DPP10: variants seen among roughly 807,000 people sequenced by gnomAD.
The protein encoded by DPP10 is dipeptidyl peptidase like 10.
Under a neutral mutation model 120.9 loss-of-function variants are expected in DPP10, and 33 were observed. That is an observed-to-expected ratio of 0.27 (90% confidence interval 0.21 to 0.37). The LOEUF is 0.37. Among genes scored for constraint, DPP10 ranks in the 10% least tolerant of loss-of-function variants. The pLI is 1.00. For synonymous variants in DPP10, 337 were observed against 326.1 expected (o/e 1.03, Z -0.36); for missense variants, 816 against 942.8 (o/e 0.87, Z 1.76).
At chr2:115,151,715 AT>A (rs1200514817) in intron 1 of DPP10, among the ~76,000 whole-genome samples, 2,373 of 139,790 alleles carry the variant, frequency 0.017, 25 homozygotes, top group African/African-American at 0.033. Flanking sequence ...TCAGTATTGA[AT>A]TTTTTTTTTT....
intron 7 of DPP10, among the ~76,000 whole-genome samples, chr2:115,693,325 T>G (rs1004257911): frequency 2.0e-5 from 3 of 152,130 alleles, no homozygotes; most frequent in Admixed American, 1.3e-4. Context: ...CAATGGTGAG[T>G]GGACACCAAG....
intron 3 of DPP10, among the ~76,000 whole-genome samples, chr2:115,378,354 T>C (rs1338584348): frequency 1.7e-5 from 1 of 60,000 alleles, no homozygotes; most frequent in African/African-American, 3.1e-5. Flanking sequence ...GCTCTCTGTT[T>C]GTCTGTTGTT....
At chr2:115,630,555 C>T (rs970122258) in intron 5 of DPP10, among the ~76,000 whole-genome samples, 2 of 152,078 alleles carry the variant, frequency 1.3e-5, no homozygotes, top group South Asian at 4.1e-4. Context: ...TAATAAATGG[C>T]TCTTATTTTT....
chr2:115,123,863 T>C (rs2049944887), intron 1 of DPP10, among the ~76,000 whole-genome samples: 1 of 152,024 alleles, frequency 6.6e-6, no homozygotes, highest in Non-Finnish European at 1.5e-5. Flanking sequence ...AACAGGAAGA[T>C]AGTCAGCAAA....
intron 17 of DPP10, among the ~76,000 whole-genome samples, chr2:115,785,443 T>A (rs1292841853): frequency 6.6e-6 from 1 of 152,200 alleles, no homozygotes; most frequent in Non-Finnish European, 1.5e-5. Context: ...TCATAGAATT[T>A]GAATATGGAT....
intron 19 of DPP10, among the ~76,000 whole-genome samples, chr2:115,813,075 G>A (rs12472589): frequency 0.28 from 39,612 of 141,218 alleles, 6,003 homozygotes; most frequent in Middle Eastern, 0.49. Flanking sequence ...TCCGCTTCCC[G>A]GGTTCACGCC....
At chr2:114,988,733 G>C (rs1293107505) in intron 1 of DPP10, among the ~76,000 whole-genome samples, 1 of 152,126 alleles carries the variant, frequency 6.6e-6, no homozygotes, top group Non-Finnish European at 1.5e-5. Context: ...TGTGAAACGA[G>C]CACATATGAC....
intron 1 of DPP10, among the ~76,000 whole-genome samples, chr2:114,724,780 C>T (rs1454236620): frequency 6.6e-6 from 1 of 152,132 alleles, no homozygotes; most frequent in Non-Finnish European, 1.5e-5. Context: ...GGCCACTCCC[C>T]TGTCCAATCA....
Position 115,468,232 on chromosome 2 carries a change from G to T in DPP10, c.272-31278G>T. On this transcript the variant is annotated intron_variant, in intron 3 of 25. Coordinates refer to ENST00000410059, the MANE Select transcript of DPP10 (RefSeq NM_020868.6). Reference sequence around the variant, plus strand: ...TGAAGAGGACTCAGGAGAAGCTTCTGCTGACCGCTCGTGTCATTGTTGCCA... The same window carrying T: ...TGAAGAGGACTCAGGAGAAGCTTCTTCTGACCGCTCGTGTCATTGTTGCCA... 2.0e-5 allele frequency: 10 copies of T among 503,446 alleles called. 1 individual carries two copies. The highest frequency in any genetic ancestry group is 4.0e-5 in the Non-Finnish European group (10 of 252,102). The allele number at this position is 503,446 out of a possible 1,614,324, so 31.2% of individuals were successfully genotyped here. A position where few individuals can be genotyped will look rare whatever the true frequency, so the allele number is the denominator to read the frequency against.
At chr2:115,301,075 C>T (rs563496175) in intron 1 of DPP10, among the ~76,000 whole-genome samples, 1 of 152,076 alleles carries the variant, frequency 6.6e-6, no homozygotes, top group Non-Finnish European at 1.5e-5. Flanking sequence ...GTGTTCTCTC[C>T]CAATTTCCCC....
chr2:114,650,231 G>A (rs1218284136), intron 1 of DPP10, among the ~76,000 whole-genome samples: 1 of 152,104 alleles, frequency 6.6e-6, no homozygotes, highest in Non-Finnish European at 1.5e-5. Context: ...AAGAAAGGTG[G>A]TTTTGGGAGA....
chr2:115,807,666 A>G (rs148450197), intron 19 of DPP10, among the ~76,000 whole-genome samples: 1,583 of 151,292 alleles, frequency 0.01, 18 homozygotes, highest in African/African-American at 0.037. Context: ...TCATCATGAC[A>G]TAAGGAAAAC....
At chr2:115,466,506 C>A (rs1447052543) in intron 3 of DPP10, among the ~76,000 whole-genome samples, 1 of 151,976 alleles carries the variant, frequency 6.6e-6, no homozygotes, top group African/African-American at 2.4e-5. Context: ...GTGATTATTG[C>A]CAAAACTTCT....
At chr2:115,307,598 T>C (rs543736707) in intron 1 of DPP10, among the ~76,000 whole-genome samples, 8 of 152,260 alleles carry the variant, frequency 5.3e-5, no homozygotes, top group African/African-American at 1.9e-4. Flanking sequence ...TTCCCAACTT[T>C]CAGACCACTG....
rs150951492 is a variant in DPP10 at position 114,835,517 on chromosome 2, T to C, written c.60+392679T>C. 5.7e-3 allele frequency: 870 copies of C among 152,304 alleles called. 6 individuals are homozygous for C. Among genetic ancestry groups the C allele is most frequent in the African/African-American group, 0.02 (811 of 41,558 alleles). 9.4% of individuals were successfully genotyped at this position (152,304 alleles called of 1,614,324 possible). A position where few individuals can be genotyped will look rare whatever the true frequency, so the allele number is the denominator to read the frequency against. ...TCAAATAATATTAGTCAAAAATAAA[T>C]ACGTGTTTGTTTTATTATTCCTTTG... On this transcript the variant is annotated intron_variant, in intron 1 of 25. Transcript: ENST00000410059.
rs1558982696 is a variant in DPP10 at position 114,664,918 on chromosome 2, G to GAGAGCATCCAAAAGATGGCAC, written c.60+222101_60+222121dup. On this transcript the variant is annotated intron_variant, in intron 1 of 25. Coordinates refer to ENST00000410059, the MANE Select transcript of DPP10 (RefSeq NM_020868.6). ...GGCAGAGAGCATCCAAAAGATGGCAGAGAGCATCCAAAAGATGGCACAGAG... is the reference window on the plus strand; with the variant it reads ...GGCAGAGAGCATCCAAAAGATGGCAGAGAGCATCCAAAAGATGGCACAGAGCATCCAAAAGATGGCACAGAG... 6.8e-5 allele frequency among the ~76,000 whole-genome samples: 8 copies of GAGAGCATCCAAAAGATGGCAC among 118,190 alleles called. No homozygotes were observed. In the East Asian group the frequency reaches 1.1e-3, roughly 17 times the overall value. 77.5% of individuals were successfully genotyped at this position (118,190 alleles called of 152,430 possible). A position where few individuals can be genotyped will look rare whatever the true frequency, so the allele number is the denominator to read the frequency against.
At chr2:114,882,531 G>A (rs1190591913) in intron 1 of DPP10, among the ~76,000 whole-genome samples, 1 of 151,686 alleles carries the variant, frequency 6.6e-6, no homozygotes, top group Non-Finnish European at 1.5e-5. Context: ...GGAAGGGTGG[G>A]AGGGGAGGTG....
At chr2:115,835,738 T>C (rs1689419236) in intron 21 of DPP10, among the ~76,000 whole-genome samples, 1 of 152,214 alleles carries the variant, frequency 6.6e-6, no homozygotes, top group African/African-American at 2.4e-5. Flanking sequence ...TTCTTAATTC[T>C]ACATAATCAT....
intron 5 of DPP10, among the ~76,000 whole-genome samples, chr2:115,658,180 A>T (rs1283383431): frequency 2.6e-5 from 4 of 152,056 alleles, no homozygotes; most frequent in African/African-American, 7.2e-5. Context: ...CCTAAAGTCT[A>T]GTAAATGCAA....
Sources: gnomAD v4.1 joint callset for allele counts (sites outside exome capture counted in the v4.1 genomes callset) on GRCh38, gnomAD v4.1.1 for gene constraint, MANE v1.5 for transcripts, NCBI Gene and HGNC (gene_info 2026-07-23, HGNC 2026-07-21) for gene names.